TTLL9: variants seen among roughly 807,000 people sequenced by gnomAD.
The protein encoded by TTLL9 is probable tubulin polyglutamylase TTLL9.
TTLL9 carries 47 observed loss-of-function variants against 65.6 expected under a neutral mutation model. That is an observed-to-expected ratio of 0.72 (90% CI 0.57 to 0.91). The LOEUF (loss-of-function observed/expected upper bound fraction) is 0.91. Among genes scored for constraint, TTLL9 ranks in the 40% least tolerant of loss-of-function variants. TTLL9 has a pLI of 0.00. For missense variants in TTLL9, 537 were observed against 568.8 expected (o/e 0.94, Z 0.57); for synonymous variants, 179 against 204.8 (o/e 0.87, Z 1.07).
rs367684436 is a variant in TTLL9, at chr20:31,937,357, C to G, written c.1005-39C>G. ...GTGAAATCCTAGGGGCTCCAGGGAC[C>G]GAGTAACCCTAAGACTCTCTACTCC... On this transcript the variant is annotated intron_variant, in intron 12 of 14. Transcript: ENST00000535842. 5.9e-6 allele frequency: 9 copies of G among 1,516,184 alleles called. No homozygotes were observed. The Admixed American group carries it at 6.9e-5, about 12-fold the overall frequency. 93.9% of individuals were successfully genotyped at this position (1,516,184 alleles called of 1,614,324 possible). A position where few individuals can be genotyped will look rare whatever the true frequency, so the allele number is the denominator to read the frequency against.
chr20:31,922,346 C>G (rs2063826851), intron 7 of TTLL9, among the ~76,000 whole-genome samples: 1 of 152,094 alleles, frequency 6.6e-6, no homozygotes, highest in Admixed American at 6.5e-5. Context: ...CTTTATCACA[C>G]TAAGTGCATT....
At chr20:31,881,205 A>G (rs1388496040) in intron 2 of TTLL9, among the ~76,000 whole-genome samples, 2 of 152,170 alleles carry the variant, frequency 1.3e-5, no homozygotes, top group Non-Finnish European at 2.9e-5. Flanking sequence ...ACAAAAAATG[A>G]GTTTATCTGC....
chr20:31,890,311 T>C (rs2063290379), intron 3 of TTLL9, among the ~76,000 whole-genome samples: 1 of 151,600 alleles, frequency 6.6e-6, no homozygotes, highest in Non-Finnish European at 1.5e-5. Context: ...CCCAACTGCA[T>C]GAGTAGCTAG....
chr20:31,943,077 C>A lies in TTLL9; in HGVS notation c.*56C>A, dbSNP rs553667704. ...GCAGGTGCCACCCAGGCCTCCCCCC[C>A]ACTCCCAGATCCCAGCACAGCACCT... On this transcript the variant is annotated 3_prime_UTR_variant, in exon 15 of 15. Transcript: ENST00000535842. The A allele has an allele frequency of 3.2e-4, 484 of 1,508,546 alleles. 9 individuals carry two copies. In the South Asian group the frequency reaches 3.7e-3, roughly 12 times the overall value. The allele number at this position is 1,508,546 out of a possible 1,614,324, so 93.4% of individuals were successfully genotyped here.
intron 6 of TTLL9, among the ~76,000 whole-genome samples, chr20:31,913,090 G>A (rs1393361440): frequency 6.6e-6 from 1 of 151,834 alleles, no homozygotes; most frequent in Non-Finnish European, 1.5e-5. Context: ...GGCCTAGGAG[G>A]TTGAGGCTGC....
intron 8 of TTLL9, 117 bp downstream of exon 8, chr20:31,923,170 C>A: frequency 1.3e-6 from 1 of 782,618 alleles, no homozygotes; most frequent in Non-Finnish European, 2.2e-6. Context: ...TGAAGGGATG[C>A]ATGGAAAGAG....
At chr20:31,881,173 T>G (rs1488540608) in intron 2 of TTLL9, among the ~76,000 whole-genome samples, 1 of 152,220 alleles carries the variant, frequency 6.6e-6, no homozygotes, top group African/African-American at 2.4e-5. Flanking sequence ...CAACCTCTTA[T>G]TTCTTTTAAT....
At chr20:31,884,101 AGGTC>A (rs2063154754) in intron 2 of TTLL9, 2 of 523,740 alleles carry the variant, frequency 3.8e-6, no homozygotes, top group African/African-American at 4.0e-5. Context: ...ATCAAATACA[AGGTC>A]AATATACAAA....
At chr20:31,909,442 A>G (rs1027396304) in intron 5 of TTLL9, among the ~76,000 whole-genome samples, 4 of 152,060 alleles carry the variant, frequency 2.6e-5, no homozygotes, top group Non-Finnish European at 4.4e-5. Context: ...GCGCCCGGCC[A>G]AAAGCATGAA....
chr20:31,925,365 G>A (rs949154984), intron 9 of TTLL9, among the ~76,000 whole-genome samples: 22 of 152,104 alleles, frequency 1.4e-4, no homozygotes, highest in African/African-American at 3.6e-4. Context: ...TCTCATTCAG[G>A]CCTCCTAATA....
chr20:31,889,874 C>G (rs1227173821), intron 3 of TTLL9, among the ~76,000 whole-genome samples: 1 of 151,918 alleles, frequency 6.6e-6, no homozygotes, highest in Non-Finnish European at 1.5e-5. Context: ...TTGTCTTGAC[C>G]TCTTCCTCAT....
intron 2 of TTLL9, among the ~76,000 whole-genome samples, chr20:31,883,215 T>C (rs74909931): frequency 6.6e-6 from 1 of 151,878 alleles, no homozygotes; most frequent in Admixed American, 6.6e-5. Flanking sequence ...TTTTTTTTTT[T>C]TTGAAACAGA....
At chr20:31,914,782 CTCAGGAATGGCCGGTCT>C (rs1164915538) in intron 6 of TTLL9, among the ~76,000 whole-genome samples, 1 of 152,188 alleles carries the variant, frequency 6.6e-6, no homozygotes, top group Non-Finnish European at 1.5e-5. Context: ...TCCCCTGTCT[CTCAGGAATGGCCGGTCT>C]TCATATCCCC....
At chr20:31,880,852 CTTTTT>C (rs35047352) in intron 2 of TTLL9, among the ~76,000 whole-genome samples, 3 of 108,254 alleles carry the variant, frequency 2.8e-5, no homozygotes, top group African/African-American at 3.8e-5. Flanking sequence ...TCTTTCTTTC[CTTTTT>C]TTTTTTTTTT....
chr20:31,887,855 C>CTTCTCTTCTCTTCTCTTCTCTTCTCTT (rs2063214982), intron 3 of TTLL9, among the ~76,000 whole-genome samples: 1 of 114,926 alleles, frequency 8.7e-6, no homozygotes, highest in African/African-American at 3.6e-5. Flanking sequence ...TATCTCCTCT[C>CTTCTCTTCTCTTCTCTTCTCTTCTCTT]CTCTTCTCTT....
chr20:31,928,403 T>C (rs1012040292), intron 10 of TTLL9, among the ~76,000 whole-genome samples: 1 of 152,050 alleles, frequency 6.6e-6, no homozygotes, highest in Non-Finnish European at 1.5e-5. Context: ...ATTTAACAGA[T>C]TAATATTTTA....
intron 12 of TTLL9, among the ~76,000 whole-genome samples, chr20:31,935,483 C>T (rs1242728787): frequency 6.6e-6 from 1 of 152,160 alleles, no homozygotes; most frequent in Non-Finnish European, 1.5e-5. Flanking sequence ...AGCTGCTCCC[C>T]ACCAGCACTG....
intron 14 of TTLL9, among the ~76,000 whole-genome samples, chr20:31,941,698 G>C (rs2064213628): frequency 6.6e-6 from 1 of 152,128 alleles, no homozygotes. Context: ...GAGTAGCTAG[G>C]CCTACAGGCA....
intron 6 of TTLL9, among the ~76,000 whole-genome samples, chr20:31,911,876 C>G (rs2063657567): frequency 8.8e-6 from 1 of 113,460 alleles, no homozygotes; most frequent in Non-Finnish European, 1.9e-5. Context: ...GTGTGTGTGT[C>G]CTCTTTCCCA....
Sources: allele counts gnomAD v4.1 joint callset (sites outside exome capture counted in the v4.1 genomes callset), GRCh38; gene constraint gnomAD v4.1.1; transcripts MANE v1.5; gene names NCBI Gene and HGNC (gene_info 2026-07-23, HGNC 2026-07-21).